UGP2: variants seen among roughly 807,000 people sequenced by gnomAD.
UGP2 encodes UTP--glucose-1-phosphate uridylyltransferase.
A neutral mutation model predicts 49.0 loss-of-function variants in UGP2; 40 were observed. The observed-to-expected ratio is 0.82, with a 90% CI of 0.63 to 1.06. The LOEUF is 1.06. Among genes scored for constraint, UGP2 ranks in the 50% least tolerant of loss-of-function variants. The pLI is 0.00. For synonymous variants in UGP2, 225 were observed against 213.0 expected, an observed-to-expected ratio of 1.06 and a Z score of -0.49; for missense variants, 460 against 603.5, an observed-to-expected ratio of 0.76 and a Z score of 2.49.
chr2:63,871,720 A>G (rs1280890680), intron 3 of UGP2, among the ~76,000 whole-genome samples: 1 of 152,254 alleles, frequency 6.6e-6, no homozygotes, highest in East Asian at 1.9e-4. Context: ...GGGGTTGTTT[A>G]TATGGCAGCG....
intron 8 of UGP2, chr2:63,888,121 G>A (rs1671814525): frequency 6.5e-6 from 1 of 154,608 alleles, no homozygotes; most frequent in African/African-American, 2.4e-5. Context: ...GAGAAACAAA[G>A]CAAGGGTGGA....
intron 3 of UGP2, among the ~76,000 whole-genome samples, chr2:63,881,939 C>T (rs1256666186): frequency 1.3e-5 from 2 of 152,190 alleles, no homozygotes; most frequent in Admixed American, 1.3e-4. Flanking sequence ...TGCTACGTTC[C>T]TCTGAAAGGC....
intron 5 of UGP2, among the ~76,000 whole-genome samples, chr2:63,884,824 A>C (rs1373649332): frequency 1.3e-5 from 2 of 151,882 alleles, no homozygotes; most frequent in Non-Finnish European, 2.9e-5. Context: ...TGGGAGTATC[A>C]CTTGAGCCCA....
At chr2:63,844,054 A>G (rs1014564028) in intron 1 of UGP2, among the ~76,000 whole-genome samples, 3 of 152,172 alleles carry the variant, frequency 2.0e-5, no homozygotes, top group South Asian at 2.1e-4. Context: ...GCCATAGCCT[A>G]TAGTTGTCAT....
At chr2:63,844,658 C>G (rs1053581427) in intron 1 of UGP2, among the ~76,000 whole-genome samples, 4 of 152,178 alleles carry the variant, frequency 2.6e-5, no homozygotes, top group African/African-American at 9.7e-5. Flanking sequence ...ATCTCCTTGG[C>G]TTAAGCAATT....
intron 1 of UGP2, among the ~76,000 whole-genome samples, chr2:63,847,538 A>G (rs929444753): frequency 2.0e-5 from 3 of 152,200 alleles, no homozygotes; most frequent in African/African-American, 7.2e-5. Context: ...ACCTGGGTGC[A>G]GGTGGGCTGA....
chr2:63,881,271 AAG>A (rs1332651438), intron 3 of UGP2, among the ~76,000 whole-genome samples: 1 of 151,908 alleles, frequency 6.6e-6, no homozygotes, highest in African/African-American at 2.4e-5. Flanking sequence ...ACCAAGCATA[AAG>A]AGATTTTTGC....
chr2:63,853,872 C>G (rs1313943674), intron 1 of UGP2, among the ~76,000 whole-genome samples: 1 of 152,028 alleles, frequency 6.6e-6, no homozygotes, highest in African/African-American at 2.4e-5. Flanking sequence ...AAAGGAGGAA[C>G]TTGTGAAAAA....
At position 63,887,540 on chromosome 2, in the gene UGP2, G is replaced by T; in HGVS notation, c.1210G>T (p.Val404Leu). ...PVKTTSDLLLVMSNLYSLNAG... is the reference protein window; with the variant it reads ...PVKTTSDLLLLMSNLYSLNAG... ...CAAAACCACATCAGATCTCTTGCTG[G>T]TGATGTCAAACCTCTATAGTCTTAA... The change falls in exon 8 of 10, where the codon GTG becomes TTG. Residue 404 changes from valine to leucine, a missense_variant. Around this residue, in one of 2 missense-constraint regions of UGP2, gnomAD observed 317 missense variants for 473.0 expected, o/e 0.67. Coordinates refer to ENST00000337130, the MANE Select transcript of UGP2 (RefSeq NM_006759.4). 1 of 1,614,122 alleles carries T rather than the reference G, an allele frequency of 6.2e-7. No homozygotes were observed. The highest frequency in any genetic ancestry group is 8.5e-7 in the Non-Finnish European group (1 of 1,180,000).
At chr2:63,886,778 A>C (rs1671704237) in intron 7 of UGP2, among the ~76,000 whole-genome samples, 1 of 152,168 alleles carries the variant, frequency 6.6e-6, no homozygotes, top group Non-Finnish European at 1.5e-5. Flanking sequence ...CTGGGCTTCA[A>C]AAGTAGAGAA....
At chr2:63,884,307 G>GAA (rs1371169292) in intron 5 of UGP2, among the ~76,000 whole-genome samples, 1 of 152,136 alleles carries the variant, frequency 6.6e-6, no homozygotes, top group Non-Finnish European at 1.5e-5. Flanking sequence ...GTCTGCTTGA[G>GAA]ACTCTGTTCC....
chr2:63,890,032 T>G, intron 8 of UGP2, 49 bp from the exon 9 acceptor site: 1 of 1,405,002 alleles, frequency 7.1e-7, no homozygotes, highest in East Asian at 2.3e-5. Flanking sequence ...TTCCTGTCTT[T>G]CTTTGAACCC....
At chr2:63,864,668 G>A (rs1670060977) in intron 3 of UGP2, among the ~76,000 whole-genome samples, 1 of 152,274 alleles carries the variant, frequency 6.6e-6, no homozygotes, top group Non-Finnish European at 1.5e-5. Flanking sequence ...ATGATGTATT[G>A]TAGAACACCC....
chr2:63,864,622 G>A (rs1228609864), intron 3 of UGP2, among the ~76,000 whole-genome samples: 1 of 152,074 alleles, frequency 6.6e-6, no homozygotes, highest in African/African-American at 2.4e-5. Context: ...GCAGAATTTA[G>A]GCCCAGGTCT....
chr2:63,845,019 G>C (rs1040500469), intron 1 of UGP2, among the ~76,000 whole-genome samples: 7 of 152,214 alleles, frequency 4.6e-5, no homozygotes, highest in Non-Finnish European at 8.8e-5. Flanking sequence ...GAAATACAGT[G>C]TTTTGTAAGT....
chr2:63,887,261 T>C (rs528579163), intron 7 of UGP2, 141 bp from the exon 8 acceptor site: 13 of 1,161,812 alleles, frequency 1.1e-5, no homozygotes, highest in East Asian at 9.9e-5. Flanking sequence ...CAAGACTCCT[T>C]CTCAAAAAAA....
At chr2:63,841,458 T>TA (rs1671528331), upstream of UGP2, among the ~76,000 whole-genome samples, 1 of 151,932 alleles carries the variant, frequency 6.6e-6, no homozygotes, top group Non-Finnish European at 1.5e-5. Flanking sequence ...GGTGACCCCT[T>TA]AGTGTCCGCT....
intron 2 of UGP2, 83 bp downstream of exon 2, chr2:63,856,516 A>C: frequency 1.3e-5 from 18 of 1,401,516 alleles, no homozygotes; most frequent in Non-Finnish European, 1.5e-5. Flanking sequence ...TGATGATGAT[A>C]ATCATCACCT....
intron 3 of UGP2, among the ~76,000 whole-genome samples, chr2:63,874,364 C>T (rs1236956477): frequency 6.6e-6 from 1 of 152,156 alleles, no homozygotes; most frequent in Non-Finnish European, 1.5e-5. Flanking sequence ...TAACACAGGT[C>T]ATGAGAGTGA....
Sources: allele counts gnomAD v4.1 joint callset (sites outside exome capture counted in the v4.1 genomes callset), GRCh38; gene constraint gnomAD v4.1.1; regional missense constraint gnomAD v4.1.1; transcripts MANE v1.5; gene names NCBI Gene and HGNC (gene_info 2026-07-23, HGNC 2026-07-21).